Variants in AFF3 observed in about 807,000 individuals in gnomAD.
AFF3 encodes the protein AF4/FMR2 family member 3.
Under a neutral mutation model 129.7 loss-of-function variants are expected in AFF3, and 32 were observed. The ratio of observed to expected loss-of-function variants is 0.25; its 90% CI spans 0.19 to 0.33. The LOEUF (loss-of-function observed/expected upper bound fraction) is 0.33, where lower values mean the gene tolerates loss of function less well. Ranked by LOEUF, AFF3 falls within the 10% of genes least tolerant of loss-of-function variation. AFF3 has a pLI of 1.00. For synonymous variants in AFF3, 644 were observed against 635.4 expected (o/e 1.01, Z -0.20); for missense variants, 1,373 against 1,592.0 (o/e 0.86, Z 2.34).
In AFF3 at chr2:99,823,880, A is replaced by C. The variant is rs563161283; in HGVS notation, c.921+13597T>G. ...AAAATAAAATACCAGGTTCTCACTC[A>C]TAAGTAGGTGCTAGACACTGACTAC... On this transcript the variant is annotated intron_variant, in intron 8 of 24. Coordinates refer to ENST00000672756, the MANE Select transcript of AFF3 (RefSeq NM_001386135.1). 2.0e-5 allele frequency among the ~76,000 whole-genome samples: 3 copies of C among 152,188 alleles called. No homozygotes were observed. In the South Asian group the frequency reaches 6.2e-4, roughly 32 times the overall value.
intron 7 of AFF3, among the ~76,000 whole-genome samples, chr2:100,004,849 C>T (rs1304383787): frequency 1.3e-5 from 2 of 151,244 alleles, no homozygotes; most frequent in East Asian, 3.9e-4. Context: ...AACACTGCAC[C>T]CCCCTTCACA....
At chr2:99,806,756 G>A (rs749058387) in intron 8 of AFF3, among the ~76,000 whole-genome samples, 1 of 152,160 alleles carries the variant, frequency 6.6e-6, no homozygotes, top group Non-Finnish European at 1.5e-5. Context: ...CATCTTTGTT[G>A]GGAAGATGAC....
chr2:99,618,569 G>C (rs1031424568), intron 13 of AFF3, among the ~76,000 whole-genome samples: 1 of 152,138 alleles, frequency 6.6e-6, no homozygotes, highest in Non-Finnish European at 1.5e-5. Flanking sequence ...CTAGCACATA[G>C]CAAATGCTCA....
chr2:99,593,728 CGGA>C lies in AFF3; in HGVS notation c.1930_1932del (p.Ser644del), dbSNP rs1678977817. 1 of 1,612,426 alleles carries C rather than the reference CGGA, an allele frequency of 6.2e-7. No individual in the cohort carries two copies. Among genetic ancestry groups the C allele is most frequent in the East Asian group, 2.2e-5 (1 of 44,860 alleles). On this transcript the variant is annotated inframe_deletion, in exon 15 of 25. Transcript: ENST00000672756. ...CGCGTGCGGCGCTTCTCGCAGGTCA[CGGA>C]GGAGCGCAGCTCCTTGCGGTGGCTC...
At chr2:99,812,389 C>T (rs1031162936) in intron 8 of AFF3, among the ~76,000 whole-genome samples, 6 of 152,210 alleles carry the variant, frequency 3.9e-5, no homozygotes, top group African/African-American at 1.4e-4. Flanking sequence ...GTCATGATCA[C>T]CTGCTGGTAA....
chr2:99,773,915 A>C (rs975090596), intron 8 of AFF3, among the ~76,000 whole-genome samples: 4 of 152,244 alleles, frequency 2.6e-5, no homozygotes, highest in Admixed American at 1.3e-4. Context: ...AGAAATCACA[A>C]GGATTCCTAT....
In AFF3 at chr2:100,006,677, TCTGGCAGGCTCCGGCTTG is replaced by T. The variant is rs757572191; in HGVS notation, c.810_827del (p.Ser270_Ala275del). 2 of 1,613,142 alleles carry T rather than the reference TCTGGCAGGCTCCGGCTTG, an allele frequency of 1.2e-6. No individual in the cohort carries two copies. The highest frequency in any genetic ancestry group is 8.5e-7 in the Non-Finnish European group (1 of 1,179,254). ...TGAACTTGGAGAGCTTGGCCTTGGC[TCTGGCAGGCTCCGGCTTG>T]CTGGCAGGGACTCCCCTGTATGATG... On this transcript the variant is annotated inframe_deletion, in exon 7 of 25. Coordinates refer to ENST00000672756, the MANE Select transcript of AFF3 (RefSeq NM_001386135.1).
At chr2:99,811,213 G>C (rs1311950182) in intron 8 of AFF3, among the ~76,000 whole-genome samples, 1 of 152,202 alleles carries the variant, frequency 6.6e-6, no homozygotes, top group Non-Finnish European at 1.5e-5. Context: ...CCTTATGTAA[G>C]ATCATCTATT....
At chr2:100,028,490 T>G (rs981467171) in intron 4 of AFF3, among the ~76,000 whole-genome samples, 1 of 149,470 alleles carries the variant, frequency 6.7e-6, no homozygotes, top group Admixed American at 6.7e-5. Flanking sequence ...AGGCTCATAA[T>G]GTAATGTTAA....
intron 2 of AFF3, among the ~76,000 whole-genome samples, chr2:100,126,064 T>C (rs1169215831): frequency 6.6e-6 from 1 of 152,130 alleles, no homozygotes. Context: ...GAGAAGAAAA[T>C]GCTACCTATT....
intron 13 of AFF3, among the ~76,000 whole-genome samples, chr2:99,620,849 T>C (rs1405010227): frequency 6.6e-6 from 1 of 152,174 alleles, no homozygotes; most frequent in Non-Finnish European, 1.5e-5. Flanking sequence ...AGGAGCCTGG[T>C]ACCTCCTCCT....
intron 1 of AFF3, among the ~76,000 whole-genome samples, chr2:100,129,664 A>T (rs73966420): frequency 6.6e-6 from 1 of 152,300 alleles, no homozygotes; most frequent in African/African-American, 2.4e-5. Flanking sequence ...ATTAAAGCTG[A>T]TGCAGATCCA....
chr2:99,984,365 C>A (rs1679671956), intron 7 of AFF3, among the ~76,000 whole-genome samples: 1 of 152,164 alleles, frequency 6.6e-6, no homozygotes, highest in Non-Finnish European at 1.5e-5. Context: ...ATCACTTTCA[C>A]TCAGCTTCCA....
chr2:100,130,382 G>A (rs1172470949), intron 1 of AFF3, among the ~76,000 whole-genome samples: 4 of 152,150 alleles, frequency 2.6e-5, no homozygotes, highest in Admixed American at 1.3e-4. Flanking sequence ...TGTCCTCTGC[G>A]CAAAAGTAAG....
intron 15 of AFF3, among the ~76,000 whole-genome samples, chr2:99,588,777 A>G (rs1477786046): frequency 6.6e-6 from 1 of 152,026 alleles, no homozygotes; most frequent in Admixed American, 6.6e-5. Flanking sequence ...GCAGGGCGAG[A>G]CTCCACAAAT....
At chr2:99,881,344 C>T (rs186413071) in intron 7 of AFF3, among the ~76,000 whole-genome samples, 1 of 151,090 alleles carries the variant, frequency 6.6e-6, no homozygotes, top group African/African-American at 2.4e-5. Flanking sequence ...ATTCATCATC[C>T]TAATGAGCCC....
chr2:99,754,972 C>G (rs114893987), intron 8 of AFF3, among the ~76,000 whole-genome samples: 109 of 152,320 alleles, frequency 7.2e-4, no homozygotes, highest in African/African-American at 2.5e-3. Context: ...CTAATTCCAG[C>G]TATGCTTGTA....
Position 99,553,917 on chromosome 2 carries a change from CCAAA to C in AFF3, c.3559+390_3559+393del, listed in dbSNP as rs1271050733. Among the ~76,000 whole-genome samples, 12 of 72,438 alleles carry C rather than the reference CCAAA, an allele frequency of 1.7e-4. No homozygotes were observed. The East Asian group carries it at 2.7e-3, about 17-fold the overall frequency. 47.5% of individuals were successfully genotyped at this position (72,438 alleles called of 152,430 possible). A position where few individuals can be genotyped will look rare whatever the true frequency, so the allele number is the denominator to read the frequency against. On this transcript the variant is annotated intron_variant, in intron 24 of 24. Transcript: ENST00000672756. ...CAACAGAGCAAGATTCTGTCTCAAA[CCAAA>C]AAAAAAAAAAAAAAAAAAAAGAAAA...
intron 12 of AFF3, among the ~76,000 whole-genome samples, chr2:99,655,118 T>G (rs1685626424): frequency 1.4e-5 from 2 of 146,234 alleles, no homozygotes; most frequent in South Asian, 4.5e-4. Flanking sequence ...ACCTACTATG[T>G]GCAAGCACTG....
Sources: gnomAD v4.1 joint callset for allele counts (sites outside exome capture counted in the v4.1 genomes callset) on GRCh38, gnomAD v4.1.1 for gene constraint, MANE v1.5 for transcripts, NCBI Gene and HGNC (gene_info 2026-07-23, HGNC 2026-07-21) for gene names.